KIF2A: variants seen among roughly 807,000 people sequenced by gnomAD.
KIF2A encodes the protein kinesin family member 2A, also known as kinesin-like protein KIF2A.
Under a neutral mutation model 100.2 loss-of-function variants are expected in KIF2A, and 22 were observed. The ratio of observed to expected loss-of-function variants is 0.22; its 90% CI spans 0.16 to 0.31. The LOEUF (loss-of-function observed/expected upper bound fraction) is 0.31. KIF2A is among the 10% of genes least tolerant of loss of function. The pLI is 1.00. For missense variants in KIF2A, 495 were observed against 898.7 expected, an observed-to-expected ratio of 0.55 and a Z score of 5.74; for synonymous variants, 268 against 285.9, an observed-to-expected ratio of 0.94 and a Z score of 0.63.
chr5:62,327,474 A>G (rs777709455), intron 1 of KIF2A, among the ~76,000 whole-genome samples: 8 of 152,194 alleles, frequency 5.3e-5, no homozygotes, highest in Non-Finnish European at 8.8e-5. Flanking sequence ...AGAATGCATG[A>G]TTTAAATTGA....
chr5:62,361,119 A>C (rs1394249562), intron 9 of KIF2A, 123 bp from the exon 10 acceptor site: 1 of 504,124 alleles, frequency 2.0e-6, no homozygotes. Context: ...TTTTTAACAA[A>C]GATTTGTTTA....
chr5:62,341,809 T>G (rs748535914), intron 1 of KIF2A, among the ~76,000 whole-genome samples: 12 of 152,228 alleles, frequency 7.9e-5, no homozygotes, highest in Non-Finnish European at 1.6e-4. Flanking sequence ...TAAGAATGGT[T>G]GTGTTGGTCT....
At chr5:62,343,062 G>A (rs1747379684) in intron 1 of KIF2A, among the ~76,000 whole-genome samples, 1 of 151,934 alleles carries the variant, frequency 6.6e-6, no homozygotes, top group Admixed American at 6.6e-5. Flanking sequence ...TGGTCTGAAA[G>A]TTTTCTGTGC....
rs116771537 is a variant in KIF2A at position 62,351,311 on chromosome 5, T to C, written c.334+1191T>C. On this transcript the variant is annotated intron_variant, in intron 4 of 20. Transcript: ENST00000407818. ...ATTATGAAATGCAATTTTTAATTCATCTTATTTACTAAATAATTTTGCAAA... is the reference window on the plus strand; with the variant it reads ...ATTATGAAATGCAATTTTTAATTCACCTTATTTACTAAATAATTTTGCAAA... Among the ~76,000 whole-genome samples, 1,262 of 152,242 alleles carry C rather than the reference T, an allele frequency of 8.3e-3. 8 individuals are homozygous for C. Among genetic ancestry groups the C allele is most frequent in the Non-Finnish European group, 0.014 (980 of 68,030 alleles).
intron 1 of KIF2A, among the ~76,000 whole-genome samples, chr5:62,330,331 AGAGT>A (rs1554039717): frequency 6.6e-6 from 1 of 152,198 alleles, no homozygotes; most frequent in Non-Finnish European, 1.5e-5. Context: ...AGCCTGGGCG[AGAGT>A]GAGAAAAAGA....
At chr5:62,314,179 G>C (rs901283884) in intron 1 of KIF2A, among the ~76,000 whole-genome samples, 9 of 152,130 alleles carry the variant, frequency 5.9e-5, no homozygotes, top group Non-Finnish European at 1.2e-4. Context: ...CTTGTAAATA[G>C]AGACTGGCTC....
chr5:62,310,499 T>C (rs1745507776), intron 1 of KIF2A, among the ~76,000 whole-genome samples: 1 of 152,234 alleles, frequency 6.6e-6, no homozygotes, highest in Admixed American at 6.5e-5. Context: ...ACATTTTAAT[T>C]AATCATTAGA....
intron 3 of KIF2A, among the ~76,000 whole-genome samples, chr5:62,349,704 A>C (rs763543793): frequency 3.3e-5 from 5 of 152,216 alleles, no homozygotes; most frequent in Admixed American, 1.3e-4. Context: ...CCTATTATTC[A>C]GAAATGATGA....
At chr5:62,349,935 A>G in intron 3 of KIF2A, 131 bp from the exon 4 acceptor site, 1 of 601,308 alleles carries the variant, frequency 1.7e-6, no homozygotes, top group Non-Finnish European at 2.9e-6. Context: ...CATTAAGATT[A>G]TAGTTTTTCT....
intron 8 of KIF2A, 45 bp from the exon 9 acceptor site, chr5:62,358,092 A>G: frequency 2.2e-6 from 3 of 1,385,464 alleles, no homozygotes; most frequent in Non-Finnish European, 2.9e-6. Flanking sequence ...ATGAACTCAA[A>G]TGCTGTGAAA....
intron 1 of KIF2A, among the ~76,000 whole-genome samples, chr5:62,328,377 G>A (rs547170284): frequency 1.9e-4 from 28 of 148,736 alleles, no homozygotes; most frequent in Admixed American, 1.3e-3. Context: ...ATATTACATC[G>A]TGATTTTAGA....
intron 1 of KIF2A, among the ~76,000 whole-genome samples, chr5:62,337,568 C>A (rs111584362): frequency 0.043 from 6,606 of 152,000 alleles, 448 homozygotes; most frequent in African/African-American, 0.15. Context: ...AGCAGTGGCT[C>A]ACACCTGTAA....
At chr5:62,312,134 A>G (rs1202583240) in intron 1 of KIF2A, among the ~76,000 whole-genome samples, 1 of 152,224 alleles carries the variant, frequency 6.6e-6, no homozygotes, top group Non-Finnish European at 1.5e-5. Context: ...AAGAAGCTCA[A>G]AAAACTTAAA....
intron 5 of KIF2A, chr5:62,353,035 A>G (rs770563006): frequency 1.4e-5 from 6 of 422,130 alleles, no homozygotes; most frequent in Non-Finnish European, 2.1e-5. Context: ...CTGTGTTTCT[A>G]AACCAAGAGA....
chr5:62,365,221 G>C (rs1741013023), intron 14 of KIF2A, 22 bp from the exon 15 acceptor site: 1 of 1,235,780 alleles, frequency 8.1e-7, no homozygotes, highest in African/African-American at 1.5e-5. Flanking sequence ...TAATCTGTGA[G>C]ACTTGTTTTC....
At chr5:62,337,381 A>G (rs189823944) in intron 1 of KIF2A, among the ~76,000 whole-genome samples, 1 of 152,160 alleles carries the variant, frequency 6.6e-6, no homozygotes, top group Admixed American at 6.5e-5. Flanking sequence ...AATCCCAGCT[A>G]TTCAGGAGGC....
chr5:62,382,634 G>GTTTTTTT (rs35714674), intron 20 of KIF2A, among the ~76,000 whole-genome samples: 1 of 134,802 alleles, frequency 7.4e-6, no homozygotes. Context: ...CAGGTTTCAG[G>GTTTTTTT]TTTTTTTTTT....
chr5:62,339,953 T>C (rs1427383641), intron 1 of KIF2A, among the ~76,000 whole-genome samples: 1 of 151,550 alleles, frequency 6.6e-6, no homozygotes, highest in Non-Finnish European at 1.5e-5. Context: ...TTTTTTTTTT[T>C]TTGAGACAGA....
intron 1 of KIF2A, among the ~76,000 whole-genome samples, chr5:62,334,588 CT>C (rs1746837378): frequency 6.6e-6 from 1 of 151,386 alleles, no homozygotes; most frequent in Non-Finnish European, 1.5e-5. Flanking sequence ...TCATCTGCCC[CT>C]ACCTTACTCA....
Sources: gnomAD v4.1 joint callset for allele counts (sites outside exome capture counted in the v4.1 genomes callset) on GRCh38, gnomAD v4.1.1 for gene constraint, MANE v1.5 for transcripts, NCBI Gene and HGNC (gene_info 2026-07-23, HGNC 2026-07-21) for gene names.